DENND1B: variants seen among roughly 807,000 people sequenced by gnomAD.
DENND1B encodes DENN domain-containing protein 1B.
In DENND1B, 59 loss-of-function variants were observed where a neutral mutation model predicts 90.1. The observed-to-expected ratio is 0.65, with a 90% confidence interval of 0.53 to 0.81. The LOEUF (loss-of-function observed/expected upper bound fraction) is 0.81, where lower values mean the gene tolerates loss of function less well. Ranked by LOEUF, DENND1B falls within the 40% of genes least tolerant of loss-of-function variation. The probability of loss-of-function intolerance (pLI) is 0.00; values close to 1 mark genes in which losing one functional copy is unlikely to be tolerated. For synonymous variants in DENND1B, 337 were observed against 324.6 expected (o/e 1.04, Z -0.41); for missense variants, 862 against 912.6 (o/e 0.94, Z 0.71).
At chr1:197,540,200 GA>G (rs1670232959) in intron 19 of DENND1B, 129 bp from the exon 20 acceptor site, 1 of 426,876 alleles carries the variant, frequency 2.3e-6, no homozygotes, top group Admixed American at 4.3e-5. Context: ...TAAGTGTAAA[GA>G]ATCTATTTAA....
At chr1:197,772,996 T>C (rs1466370476) in intron 1 of DENND1B, 64 bp from the exon 2 acceptor site, 1 of 1,313,302 alleles carries the variant, frequency 7.6e-7, no homozygotes, top group East Asian at 2.5e-5. Context: ...AACTTGTATT[T>C]TCTTAATTCT....
chr1:197,726,788 A>AT (rs1661679456), intron 2 of DENND1B, among the ~76,000 whole-genome samples: 1 of 152,202 alleles, frequency 6.6e-6, no homozygotes, highest in South Asian at 2.1e-4. Context: ...CTGATTCTAA[A>AT]TATCAATGTG....
At chr1:197,729,644 A>G (rs1160231388) in intron 2 of DENND1B, among the ~76,000 whole-genome samples, 1 of 152,166 alleles carries the variant, frequency 6.6e-6, no homozygotes, top group African/African-American at 2.4e-5. Context: ...AATAAATAGT[A>G]ATTATACAAA....
At chr1:197,663,901 A>C (rs1318282843) in intron 5 of DENND1B, among the ~76,000 whole-genome samples, 2 of 152,106 alleles carry the variant, frequency 1.3e-5, no homozygotes, top group Non-Finnish European at 2.9e-5. Flanking sequence ...CAGGGTATAC[A>C]AAGTAGTCCA....
intron 2 of DENND1B, among the ~76,000 whole-genome samples, chr1:197,760,892 C>T (rs1347868698): frequency 6.6e-6 from 1 of 152,122 alleles, no homozygotes; most frequent in Non-Finnish European, 1.5e-5. Flanking sequence ...CATTCCATTT[C>T]AATATTTCCA....
chr1:197,736,279 T>C (rs1662681469), intron 2 of DENND1B, among the ~76,000 whole-genome samples: 1 of 152,084 alleles, frequency 6.6e-6, no homozygotes, highest in Non-Finnish European at 1.5e-5. Context: ...AGAGATAACA[T>C]AAGATCTACT....
At chr1:197,557,643 T>C (rs1212520276) in intron 15 of DENND1B, among the ~76,000 whole-genome samples, 1 of 151,964 alleles carries the variant, frequency 6.6e-6, no homozygotes, top group Non-Finnish European at 1.5e-5. Flanking sequence ...ATTGATTTCA[T>C]GCATATACAT....
rs748414373 is a variant in DENND1B at position 197,545,901 on chromosome 1, T to A, written c.1350+21A>T. 3 of 1,578,568 alleles carry A rather than the reference T, an allele frequency of 1.9e-6. No homozygotes were observed. The African/African-American group carries it at 4.1e-5, about 22-fold the overall frequency. On this transcript the variant is annotated intron_variant, in intron 18 of 22. Coordinates refer to ENST00000620048, the MANE Select transcript of DENND1B (RefSeq NM_001195215.2). ...TTTTATAATTTCATAAATAGGATTGTTAAATATCAAAAAAACTTACAAATT... is the reference window on the plus strand; with the variant it reads ...TTTTATAATTTCATAAATAGGATTGATAAATATCAAAAAAACTTACAAATT...
chr1:197,642,726 C>G lies in DENND1B; in HGVS notation c.657G>C (p.Ser219=). 6.2e-7 allele frequency: 1 copy of G among 1,612,740 alleles called. No individual in the cohort carries two copies. ...MLHERRIVII[S]SKLSTLTACI... Reference sequence around the variant, plus strand: ...AAGTACTTACAGTGCTTAATTTGCTCGAGATAATCACGATGCGCCTTTCAT... The same window carrying G: ...AAGTACTTACAGTGCTTAATTTGCTGGAGATAATCACGATGCGCCTTTCAT... The change falls in exon 10 of 23, where the codon TCG becomes TCC. Residue 219 remains serine (S), a synonymous_variant. Transcript: ENST00000620048.
intron 10 of DENND1B, among the ~76,000 whole-genome samples, chr1:197,620,331 T>C (rs913173175): frequency 6.6e-6 from 1 of 151,338 alleles, no homozygotes; most frequent in Non-Finnish European, 1.5e-5. Context: ...ATAACATGTA[T>C]ATTACAGACA....
intron 3 of DENND1B, among the ~76,000 whole-genome samples, chr1:197,694,873 A>G (rs2102113859): frequency 6.6e-6 from 1 of 151,430 alleles, no homozygotes; most frequent in South Asian, 2.1e-4. Flanking sequence ...CCTTCAACAG[A>G]AAAATAAGGT....
chr1:197,590,503 A>G (rs1374334245), intron 14 of DENND1B, among the ~76,000 whole-genome samples: 30 of 152,176 alleles, frequency 2.0e-4, no homozygotes, highest in Non-Finnish European at 2.9e-5. Context: ...AACAACTTTA[A>G]GGAGTTTTAT....
intron 10 of DENND1B, among the ~76,000 whole-genome samples, chr1:197,630,790 C>G (rs1264292498): frequency 6.6e-6 from 1 of 152,070 alleles, no homozygotes; most frequent in African/African-American, 2.4e-5. Context: ...GATTACTAAG[C>G]CAGCAAGTGG....
intron 1 of DENND1B, among the ~76,000 whole-genome samples, chr1:197,774,834 G>T (rs1657069650): frequency 6.6e-6 from 1 of 152,210 alleles, no homozygotes; most frequent in Admixed American, 6.5e-5. Context: ...CAGCGGCGGT[G>T]TCAGGGGCCG....
chr1:197,547,094 A>G (rs989859905), intron 16 of DENND1B, among the ~76,000 whole-genome samples: 55 of 152,124 alleles, frequency 3.6e-4, no homozygotes, highest in African/African-American at 1.1e-3. Flanking sequence ...CAGGGGTAAA[A>G]AGTCACAATA....
chr1:197,534,212 C>T (rs924697584), intron 20 of DENND1B, among the ~76,000 whole-genome samples: 3 of 152,248 alleles, frequency 2.0e-5, no homozygotes, highest in African/African-American at 4.8e-5. Context: ...TCTTCAGTAG[C>T]CTTACAGTAG....
At position 197,636,608 on chromosome 1, in the gene DENND1B, A is replaced by C. The variant is rs557788138; in HGVS notation, c.672+6103T>G. Reference sequence around the variant, plus strand: ...CCTACCACATAATACATAATAATTAAATGAGTTAGTTTAAATAAATTTCTC... The same window carrying C: ...CCTACCACATAATACATAATAATTACATGAGTTAGTTTAAATAAATTTCTC... On this transcript the variant is annotated intron_variant, in intron 10 of 22. Coordinates refer to ENST00000620048, the MANE Select transcript of DENND1B (RefSeq NM_001195215.2). Among the ~76,000 whole-genome samples, 7 of 152,288 alleles carry C rather than the reference A, an allele frequency of 4.6e-5. No homozygotes were observed. The East Asian group carries it at 1.4e-3, about 29-fold the overall frequency.
At chr1:197,588,675 T>C (rs951448846) in intron 14 of DENND1B, among the ~76,000 whole-genome samples, 4 of 152,180 alleles carry the variant, frequency 2.6e-5, no homozygotes, top group Non-Finnish European at 4.4e-5. Flanking sequence ...ATGGGAATGT[T>C]CAAATATTTG....
intron 20 of DENND1B, 23 bp from the exon 21 acceptor site, chr1:197,512,976 A>C (rs1668137084): frequency 6.3e-7 from 1 of 1,591,216 alleles, no homozygotes; most frequent in African/African-American, 1.4e-5. Context: ...ATTGACAATA[A>C]ATTGGCATTA....
Sources: gnomAD v4.1 joint callset for allele counts (sites outside exome capture counted in the v4.1 genomes callset) on GRCh38, gnomAD v4.1.1 for gene constraint, MANE v1.5 for transcripts, NCBI Gene and HGNC (gene_info 2026-07-23, HGNC 2026-07-21) for gene names.